Variants in IDH3G observed in about 807,000 individuals in gnomAD.
IDH3G encodes the protein isocitrate dehydrogenase (NAD(+)) 3 non-catalytic subunit gamma, also known as isocitrate dehydrogenase [NAD] subunit gamma, mitochondrial.
IDH3G carries 9 observed loss-of-function variants against 26.9 expected under a neutral mutation model. That is an observed-to-expected ratio of 0.34 (90% CI 0.20 to 0.58). The LOEUF is 0.58. IDH3G is among the 20% of genes least tolerant of loss of function. The pLI is 0.85. For missense variants in IDH3G, 250 were observed against 372.8 expected (o/e 0.67, Z 2.71); for synonymous variants, 181 against 160.0 (o/e 1.13, Z -0.99).
intron 1 of IDH3G, 199 bp downstream of exon 1, chrX:153,794,047 C>G (rs1247318478): frequency 2.3e-6 from 1 of 437,246 alleles, no homozygotes; most frequent in African/African-American, 2.6e-5. Context: ...ATGCAGACCC[C>G]CTGGGGGAGC....
At chrX:153,793,625 C>T (rs2092119014) in intron 1 of IDH3G, 1 of 111,939 alleles carries the variant, frequency 8.9e-6, no homozygotes, top group Non-Finnish European at 1.9e-5. Flanking sequence ...CCACCTAGGA[C>T]CTAAATTAAC....
chrX:153,789,319 G>T (rs782476090), intron 5 of IDH3G: 1 of 295,276 alleles, frequency 3.4e-6, no homozygotes, highest in Admixed American at 3.8e-5. Flanking sequence ...GCTGAGGCGG[G>T]CAGATCACGA....
chrX:153,787,685 A>G lies in IDH3G; in HGVS notation c.541-88T>C, dbSNP rs184745884. On this transcript the variant is annotated intron_variant, in intron 7 of 12. Coordinates refer to ENST00000217901, the MANE Select transcript of IDH3G (RefSeq NM_004135.4). ...CTGGCGCGACCGGGCCACCGTGGGA[A>G]GCAACCCTGTCTGCCTATTTCTGGC... 1.1e-4 allele frequency: 123 copies of G among 1,146,643 alleles called. No homozygotes were observed. In the African/African-American group the frequency reaches 2.1e-3, roughly 19 times the overall value. The allele number at this position is 1,146,643 out of a possible 1,213,427, so 94.5% of individuals were successfully genotyped here. A position where few individuals can be genotyped will look rare whatever the true frequency, so the allele number is the denominator to read the frequency against.
Position 153,787,172 on chromosome X carries a change from T to C in IDH3G, c.675-19A>G. On this transcript the variant is annotated intron_variant, in intron 8 of 12. Transcript: ENST00000217901. ...CAGTTTCCTGGTGGGGGGTTAGGAA[T>C]AGGACACCAGCTTGGCCATCGCAAC... 2.6e-6 allele frequency: 3 copies of C among 1,144,579 alleles called. No homozygotes were observed. The highest frequency in any genetic ancestry group is 3.0e-5 in the East Asian group (1 of 33,305). The allele number at this position is 1,144,579 out of a possible 1,213,427, so 94.3% of individuals were successfully genotyped here.
Position 153,786,391 on chromosome X carries a change from G to A in IDH3G, c.983C>T (p.Thr328Ile), listed in dbSNP as rs148890709. 8.1e-4 allele frequency: 981 copies of A among 1,205,867 alleles called. 20 individuals are homozygous for A. In the East Asian group the frequency reaches 0.029, roughly 35 times the overall value. Reference protein sequence around the residue: ...ANKNIANPTATLLASCMMLDH... With the variant: ...ANKNIANPTAILLASCMMLDH... ...CAGCATCATGCAGCTGGCCAGCAGG[G>A]TGGCCGTGGGGTTGGCGATGTTCTT... Residue 328 changes from threonine to isoleucine, a missense_variant, in exon 11 of 13, where the codon ACC (threonine) becomes ATC (isoleucine). By Grantham distance (89) the Thr-to-Ile change is moderately conservative (BLOSUM62 -1). Around this residue, in one of 2 missense-constraint regions of IDH3G, gnomAD observed 201 missense variants for 331.3 expected, o/e 0.61. Transcript: ENST00000217901.
At chrX:153,788,828 G>A (rs1274209279) in intron 5 of IDH3G, among the ~76,000 whole-genome samples, 9 of 113,046 alleles carry the variant, frequency 8.0e-5, no homozygotes, top group Non-Finnish European at 1.3e-4. Flanking sequence ...CACAGTGCAA[G>A]TAATGGGCTG....
chrX:153,786,779 C>T (rs782242194), intron 10 of IDH3G, 22 bp downstream of exon 10: 5 of 1,192,637 alleles, frequency 4.2e-6, no homozygotes, highest in East Asian at 3.0e-5. Context: ...CGGCAAGCCG[C>T]GGCACTGCCA....
chrX:153,789,265 G>T (rs1216591957), intron 5 of IDH3G: 1 of 334,701 alleles, frequency 3.0e-6, no homozygotes, highest in Non-Finnish European at 6.0e-6. Flanking sequence ...AATCACAGGG[G>T]CTGGGCACGA....
intron 3 of IDH3G, 129 bp downstream of exon 3, chrX:153,790,435 G>T: frequency 1.1e-6 from 1 of 892,359 alleles, no homozygotes; most frequent in Non-Finnish European, 1.6e-6. Flanking sequence ...ACTTGGGGCA[G>T]CCCCGTCCCA....
Position 153,787,928 on chromosome X carries a change from G to A in IDH3G, c.435C>T (p.Val145=). 1 of 1,211,583 alleles carries A rather than the reference G, an allele frequency of 8.3e-7. No individual in the cohort carries two copies. The highest frequency in any genetic ancestry group is 1.1e-6 in the Non-Finnish European group (1 of 894,955). ...CGCCTGGAAGGCTCTTACAGTGGAT[G>A]ACGTTGGCATAGAGGTCCAGGCTGG... ...LRTSLDLYAN[V]IHCKSLPGVV... Residue 145 remains valine, a synonymous_variant, in exon 7 of 13, where the codon GTC becomes GTT. Coordinates refer to ENST00000217901, the MANE Select transcript of IDH3G (RefSeq NM_004135.4).
chrX:153,790,379 T>C (rs782753802), intron 3 of IDH3G, 87 bp from the exon 4 acceptor site: 15 of 932,086 alleles, frequency 1.6e-5, no homozygotes, highest in Admixed American at 1.6e-4. Context: ...AATTCCCTTC[T>C]TCCCACTGGC....
At position 153,785,821 on chromosome X, in the gene IDH3G, G is replaced by A; in HGVS notation, c.*51C>T. ...TGCGTACCAGGCTGGCTGGGGTGCT[G>A]GAGTGGGAAGGGGAATCCAAGGAGC... On this transcript the variant is annotated 3_prime_UTR_variant, in exon 13 of 13. Transcript: ENST00000217901. The A allele has an allele frequency of 5.1e-6, 6 of 1,178,908 alleles. No individual in the cohort carries two copies. The highest frequency in any genetic ancestry group is 6.9e-6 in the Non-Finnish European group (6 of 867,490).
intron 10 of IDH3G, 101 bp from the exon 11 acceptor site, chrX:153,786,550 A>C: frequency 1.4e-6 from 1 of 710,958 alleles, no homozygotes; most frequent in Admixed American, 2.9e-5. Flanking sequence ...CCACAGGGAC[A>C]AAAGCCCACC....
Position 153,786,872 on chromosome X carries a change from C to G in IDH3G, c.853G>C (p.Ala285Pro), listed in dbSNP as rs1557069289. The G allele has an allele frequency of 8.3e-7, 1 of 1,211,032 alleles. No individual in the cohort carries two copies. Among genetic ancestry groups the G allele is most frequent in the Non-Finnish European group, 1.1e-6 (1 of 895,019 alleles). The change falls in exon 10 of 13, where the codon GCG becomes CCG. Residue 285 changes from alanine to proline, a missense_variant. This residue lies in a region of IDH3G where 201 missense variants were observed against 331.3 expected (regional missense o/e 0.61). Transcript: ENST00000217901. Reference protein sequence around the residue: ...LYGNIVNNVCAGLVGGPGLVA... With the variant: ...LYGNIVNNVCPGLVGGPGLVA... ...AGGCCTGGGCCCCCGACCAGTCCCG[C>G]GCAGACATTGTTGACGATGTTGCCA...
Position 153,788,154 on chromosome X carries a change from G to T in IDH3G, c.347-19C>A. ...ATGTTGCCTACAAAACACAACACAG[G>T]CTTAGTGGCACTGCCCATCCCCGCC... On this transcript the variant is annotated intron_variant, in intron 5 of 12. Transcript: ENST00000217901. 1.7e-6 allele frequency: 2 copies of T among 1,208,568 alleles called. No homozygotes were observed. Among genetic ancestry groups the T allele is most frequent in the Non-Finnish European group, 2.2e-6 (2 of 892,150 alleles).
intron 3 of IDH3G, 56 bp from the exon 4 acceptor site, chrX:153,790,348 C>A: frequency 9.6e-7 from 1 of 1,042,925 alleles, no homozygotes. Flanking sequence ...GCCCCCAGCT[C>A]GGCCCCCATG....
intron 5 of IDH3G, among the ~76,000 whole-genome samples, chrX:153,789,382 G>A (rs1035143967): frequency 8.9e-6 from 1 of 112,205 alleles, no homozygotes; most frequent in Non-Finnish European, 1.9e-5. Flanking sequence ...ACTCTCTACT[G>A]AAAATACAAA....
chrX:153,787,582 C>A lies in IDH3G; in HGVS notation c.556G>T (p.Val186Leu). ...TTGGTGATGATCTTCAGGCTCTCCA[C>A]CACTCCCGCCACACTCTGAGGAGGG... is the stretch of plus-strand genomic sequence containing the variant. The part of the protein sequence containing the change: ...SLEHESVAGV[V>L]ESLKIITKAK... Residue 186 changes from valine to leucine, a missense_variant, in exon 8 of 13, where the codon GTG becomes TTG. Around this residue, in one of 2 missense-constraint regions of IDH3G, gnomAD observed 201 missense variants for 331.3 expected, o/e 0.61. Coordinates refer to ENST00000217901, the MANE Select transcript of IDH3G (RefSeq NM_004135.4). 3 of 1,203,853 alleles carry A rather than the reference C, an allele frequency of 2.5e-6. No homozygotes were observed. Among genetic ancestry groups the A allele is most frequent in the Non-Finnish European group, 3.4e-6 (3 of 891,587 alleles).
intron 2 of IDH3G, 102 bp from the exon 3 acceptor site, chrX:153,790,677 T>C: frequency 3.7e-6 from 4 of 1,080,461 alleles, no homozygotes; most frequent in South Asian, 3.8e-5. Flanking sequence ...TGCTGGCTAG[T>C]ACAACTCCCA....
Sources: gnomAD v4.1 joint callset for allele counts (sites outside exome capture counted in the v4.1 genomes callset) on GRCh38, gnomAD v4.1.1 for gene constraint, gnomAD v4.1.1 regional missense constraint, MANE v1.5 for transcripts, NCBI Gene and HGNC (gene_info 2026-07-23, HGNC 2026-07-21) for gene names.